Variants in PLPPR5 observed in about 807,000 individuals in gnomAD.
PLPPR5 encodes phospholipid phosphatase related 5, also known as phospholipid phosphatase-related protein type 5.
PLPPR5 carries 16 observed loss-of-function variants against 33.9 expected under a neutral mutation model. The observed-to-expected ratio is 0.47, with a 90% confidence interval of 0.32 to 0.72. The LOEUF is 0.72. PLPPR5 is among the 30% of genes least tolerant of loss of function. PLPPR5 has a pLI of 0.03. For synonymous variants in PLPPR5, 163 were observed against 150.3 expected (o/e 1.08, Z -0.62); for missense variants, 301 against 406.7 (o/e 0.74, Z 2.23).
intron 1 of PLPPR5, among the ~76,000 whole-genome samples, chr1:98,970,451 A>G (rs1389476789): frequency 6.6e-6 from 1 of 152,026 alleles, no homozygotes. Context: ...CTAATACACA[A>G]TGGGAAATAT....
At chr1:99,004,968 T>G, upstream of PLPPR5, 1 of 158,008 alleles carries the variant, frequency 6.3e-6, no homozygotes, top group Non-Finnish European at 1.4e-5. Context: ...GGGCGGGGAG[T>G]CCCGGGCGAC....
At chr1:98,906,062 G>A (rs1301020233) in intron 5 of PLPPR5, among the ~76,000 whole-genome samples, 6 of 151,650 alleles carry the variant, frequency 4.0e-5, no homozygotes, top group Admixed American at 3.3e-4. Flanking sequence ...TTGTGGTTGT[G>A]TTAGTTTTCA....
chr1:98,991,977 T>G (rs1173417972), intron 1 of PLPPR5, among the ~76,000 whole-genome samples: 2 of 152,222 alleles, frequency 1.3e-5, no homozygotes, highest in Non-Finnish European at 2.9e-5. Context: ...TTGTCTTGCT[T>G]TCTCTCCAGC....
chr1:98,976,776 GAGTT>G (rs1316750491), intron 1 of PLPPR5, among the ~76,000 whole-genome samples: 1 of 151,970 alleles, frequency 6.6e-6, no homozygotes, highest in Admixed American at 6.6e-5. Context: ...TGCATATATA[GAGTT>G]AGTAAAATAA....
At position 98,921,880 on chromosome 1, in the gene PLPPR5, A is replaced by G; in HGVS notation, c.798+2T>C. 3 of 1,600,956 alleles carry G rather than the reference A, an allele frequency of 1.9e-6. No individual in the cohort carries two copies. Among genetic ancestry groups the G allele is most frequent in the Middle Eastern group, 1.7e-4 (1 of 5,998 alleles). ...ATGATATATAAATAAATTTGTACTT[A>G]CCAGAAATACTGCTATAGATATTCC... is the stretch of plus-strand genomic sequence containing the variant. On this transcript the variant is annotated splice_donor_variant, in intron 4 of 5. Transcript: ENST00000263177. LOFTEE classifies it high-confidence loss of function.
chr1:98,927,802 A>G (rs1421789963), intron 3 of PLPPR5, among the ~76,000 whole-genome samples: 1 of 151,988 alleles, frequency 6.6e-6, no homozygotes, highest in African/African-American at 2.4e-5. Context: ...CCAACCCTCC[A>G]CTTCTTAGGA....
At position 99,004,515 on chromosome 1, in the gene PLPPR5, G is replaced by GT; in HGVS notation, c.156dup (p.Pro53ThrfsTer46). 6.2e-7 allele frequency: 1 copy of GT among 1,613,250 alleles called. No homozygotes were observed. The highest frequency in any genetic ancestry group is 8.5e-7 in the Non-Finnish European group (1 of 1,179,854). Reference sequence around the variant, plus strand: ...CTGCTGTCCTCCGGGCCCGGGTAGGGTTTGCGGTAGGCGCTGTCGTGGCAG... The same window carrying GT: ...CTGCTGTCCTCCGGGCCCGGGTAGGGTTTTGCGGTAGGCGCTGTCGTGGCAG... On this transcript the variant is annotated frameshift_variant, in exon 1 of 6. Transcript: ENST00000263177. LOFTEE classifies it high-confidence loss of function.
At chr1:98,993,888 A>G (rs1185115891) in intron 1 of PLPPR5, among the ~76,000 whole-genome samples, 1 of 152,148 alleles carries the variant, frequency 6.6e-6, no homozygotes, top group Non-Finnish European at 1.5e-5. Context: ...CAATTTACTC[A>G]GCACAGAGGT....
chr1:98,925,332 C>T (rs938446203), intron 3 of PLPPR5, among the ~76,000 whole-genome samples: 2 of 152,116 alleles, frequency 1.3e-5, no homozygotes, highest in Admixed American at 1.3e-4. Flanking sequence ...TCAGTAGATG[C>T]TCACTATCTC....
intron 4 of PLPPR5, among the ~76,000 whole-genome samples, chr1:98,918,737 GAA>G (rs1210265879): frequency 6.6e-6 from 1 of 152,188 alleles, no homozygotes; most frequent in Non-Finnish European, 1.5e-5. Flanking sequence ...CATCAAACGT[GAA>G]GACCGTGGTA....
Position 98,893,010 on chromosome 1 carries a change from G to A in PLPPR5, c.*62C>T. On this transcript the variant is annotated 3_prime_UTR_variant, in exon 6 of 6. Coordinates refer to ENST00000263177, the MANE Select transcript of PLPPR5 (RefSeq NM_001037317.2). The stretch of plus-strand genomic sequence containing the variant: ...ACTTGCAATCAAACAAACTTTGGGT[G>A]TTATGAATGGATGGTAAAAAGGGAT... The A allele has an allele frequency of 5.3e-6, 8 of 1,512,816 alleles. No individual in the cohort carries two copies. The highest frequency in any genetic ancestry group is 1.8e-5 in the Admixed American group (1 of 56,884). 93.7% of individuals were successfully genotyped at this position (1,512,816 alleles called of 1,614,324 possible).
intron 3 of PLPPR5, among the ~76,000 whole-genome samples, chr1:98,924,771 T>C (rs78400949): frequency 0.024 from 3,611 of 152,188 alleles, 142 homozygotes; most frequent in African/African-American, 0.082. Flanking sequence ...GCAAGGTTCA[T>C]AAGGAGCCCA....
intron 5 of PLPPR5, among the ~76,000 whole-genome samples, chr1:98,909,261 C>G (rs1256969594): frequency 1.6e-5 from 2 of 126,306 alleles, no homozygotes; most frequent in African/African-American, 5.9e-5. Flanking sequence ...CTCCCTTCCC[C>G]CTCCCTCCCT....
intron 3 of PLPPR5, among the ~76,000 whole-genome samples, chr1:98,948,993 A>T (rs1254818328): frequency 6.6e-6 from 1 of 152,198 alleles, no homozygotes; most frequent in East Asian, 1.9e-4. Context: ...AAGTGACCCG[A>T]GGAGGTCATT....
chr1:98,973,253 A>T (rs1397228263), intron 1 of PLPPR5, among the ~76,000 whole-genome samples: 3 of 152,128 alleles, frequency 2.0e-5, no homozygotes, highest in East Asian at 3.9e-4. Flanking sequence ...GATAAAATTT[A>T]AAATATACAA....
intron 1 of PLPPR5, among the ~76,000 whole-genome samples, chr1:98,958,393 C>CT (rs144396272): frequency 0.29 from 43,635 of 150,992 alleles, 7,364 homozygotes; most frequent in Admixed American, 0.4. Context: ...CCCTTTTCCT[C>CT]TTTCTTTTTT....
intron 1 of PLPPR5, among the ~76,000 whole-genome samples, chr1:98,960,478 A>T (rs1651203849): frequency 6.6e-6 from 1 of 152,218 alleles, no homozygotes; most frequent in South Asian, 2.1e-4. Flanking sequence ...TGCTAGGATT[A>T]CAGGCACGAG....
At chr1:99,003,686 T>C (rs1253209651) in intron 1 of PLPPR5, among the ~76,000 whole-genome samples, 3 of 152,180 alleles carry the variant, frequency 2.0e-5, no homozygotes, top group Non-Finnish European at 4.4e-5. Flanking sequence ...ATTCTTTCTC[T>C]CACACACACA....
intron 1 of PLPPR5, among the ~76,000 whole-genome samples, chr1:98,987,825 T>C (rs1303677734): frequency 6.6e-6 from 1 of 152,022 alleles, no homozygotes; most frequent in Non-Finnish European, 1.5e-5. Context: ...TTAACATTGC[T>C]GATTCTTTTG....
Sources: gnomAD v4.1 joint callset for allele counts (sites outside exome capture counted in the v4.1 genomes callset) on GRCh38, gnomAD v4.1.1 for gene constraint, MANE v1.5 for transcripts, NCBI Gene and HGNC (gene_info 2026-07-23, HGNC 2026-07-21) for gene names.